GHR: variants seen among roughly 807,000 people sequenced by gnomAD.
GHR encodes growth hormone receptor.
Under a neutral mutation model 67.1 loss-of-function variants are expected in GHR, and 35 were observed. The observed-to-expected ratio is 0.52, with a 90% confidence interval of 0.40 to 0.69. The LOEUF (loss-of-function observed/expected upper bound fraction) is 0.69. Among genes scored for constraint, GHR ranks in the 30% least tolerant of loss-of-function variants. The probability of loss-of-function intolerance (pLI) is 0.00; values close to 1 mark genes in which losing one functional copy is unlikely to be tolerated. For missense variants in GHR, 792 were observed against 764.6 expected, an observed-to-expected ratio of 1.04 and a Z score of -0.42; for synonymous variants, 272 against 269.1, an observed-to-expected ratio of 1.01 and a Z score of -0.10.
chr5:42,431,878 A>C (rs1245733465), intron 1 of GHR, among the ~76,000 whole-genome samples: 1 of 152,188 alleles, frequency 6.6e-6, no homozygotes, highest in Non-Finnish European at 1.5e-5. Flanking sequence ...CAAATTGAAA[A>C]GGTACTTTTA....
chr5:42,695,449 C>A (rs1478506118), intron 5 of GHR, among the ~76,000 whole-genome samples: 1 of 152,140 alleles, frequency 6.6e-6, no homozygotes, highest in African/African-American at 2.4e-5. Flanking sequence ...TTGATAGGAT[C>A]CTTATATTCA....
chr5:42,517,125 A>G (rs1445352318), intron 1 of GHR, among the ~76,000 whole-genome samples: 1 of 152,194 alleles, frequency 6.6e-6, no homozygotes, highest in Non-Finnish European at 1.5e-5. Flanking sequence ...CCTCTTCTCA[A>G]AGCAAAAAAT....
At chr5:42,490,260 T>G (rs1728286653) in intron 1 of GHR, among the ~76,000 whole-genome samples, 1 of 152,234 alleles carries the variant, frequency 6.6e-6, no homozygotes. Context: ...TGACTCTTAG[T>G]AATGGGATCA....
At chr5:42,717,182 C>A (rs1031281460) in intron 8 of GHR, among the ~76,000 whole-genome samples, 2 of 152,106 alleles carry the variant, frequency 1.3e-5, no homozygotes, top group Non-Finnish European at 2.9e-5. Flanking sequence ...ACCCTGTAGT[C>A]CTAGCTACTT....
At position 42,560,046 on chromosome 5, in the gene GHR, A is replaced by G. The variant is rs561983018; in HGVS notation, c.-11-5818A>G. On this transcript the variant is annotated intron_variant, in intron 1 of 9. Transcript: ENST00000230882. ...TCTTCCCATATATTAATTTATTAACATCATGCTTCTAAGGATGCTTTAATC... is the reference window on the plus strand; with the variant it reads ...TCTTCCCATATATTAATTTATTAACGTCATGCTTCTAAGGATGCTTTAATC... 4.6e-5 allele frequency among the ~76,000 whole-genome samples: 7 copies of G among 152,324 alleles called. No individual in the cohort carries two copies. In the East Asian group the frequency reaches 1.3e-3, roughly 29 times the overall value.
intron 1 of GHR, among the ~76,000 whole-genome samples, chr5:42,553,024 A>C (rs1749118017): frequency 6.6e-6 from 1 of 152,220 alleles, no homozygotes; most frequent in Non-Finnish European, 1.5e-5. Flanking sequence ...CAATATTGAC[A>C]TGCTTCAGTG....
intron 1 of GHR, among the ~76,000 whole-genome samples, chr5:42,524,463 A>C (rs188568063): frequency 6.6e-6 from 1 of 152,238 alleles, no homozygotes; most frequent in Non-Finnish European, 1.5e-5. Flanking sequence ...CAAGAGGTGA[A>C]TGCTTGGGTG....
chr5:42,547,456 G>A (rs192396497), intron 1 of GHR, among the ~76,000 whole-genome samples: 125 of 152,110 alleles, frequency 8.2e-4, no homozygotes, highest in Middle Eastern at 3.4e-3. Context: ...TTATGGCAAA[G>A]CTCCAGAGCT....
chr5:42,480,750 A>C (rs778322558), intron 1 of GHR, among the ~76,000 whole-genome samples: 73 of 152,114 alleles, frequency 4.8e-4, no homozygotes, highest in Admixed American at 1.5e-3. Context: ...GTAGATCTTC[A>C]TGCGTCCCTT....
intron 2 of GHR, among the ~76,000 whole-genome samples, chr5:42,587,620 CT>C (rs1358650605): frequency 1.3e-5 from 2 of 152,014 alleles, no homozygotes; most frequent in African/African-American, 4.8e-5. Context: ...GTTTTGCTCC[CT>C]TCTCTTTCGT....
intron 3 of GHR, among the ~76,000 whole-genome samples, chr5:42,673,610 T>C (rs1217336013): frequency 1.3e-5 from 2 of 152,206 alleles, no homozygotes; most frequent in Non-Finnish European, 1.5e-5. Context: ...AATGAAATCA[T>C]GTCCTTTGCA....
intron 1 of GHR, among the ~76,000 whole-genome samples, chr5:42,493,576 A>G (rs1488263623): frequency 6.6e-6 from 1 of 152,198 alleles, no homozygotes; most frequent in East Asian, 1.9e-4. Flanking sequence ...TGCATTATCT[A>G]TACCTTGTTA....
rs1758978149 is a variant in GHR, at chr5:42,720,715, A to T, written c.*1291A>T. The stretch of plus-strand genomic sequence containing the variant: ...GTTTTCAGTCCCCACAGATAACTGA[A>T]AATTATTTAAACCGCTAAAAGAAAC... On this transcript the variant is annotated 3_prime_UTR_variant, in exon 10 of 10. Coordinates refer to ENST00000230882, the MANE Select transcript of GHR (RefSeq NM_000163.5). The T allele has an allele frequency of 6.6e-6, 1 of 152,218 alleles. No individual in the cohort carries two copies. The highest frequency in any genetic ancestry group is 2.4e-5 in the African/African-American group (1 of 41,462). 9.4% of individuals were successfully genotyped at this position (152,218 alleles called of 1,614,324 possible).
chr5:42,661,242 A>C (rs1050718538), intron 3 of GHR, among the ~76,000 whole-genome samples: 1 of 152,302 alleles, frequency 6.6e-6, no homozygotes, highest in Non-Finnish European at 1.5e-5. Flanking sequence ...CAGATTCAGG[A>C]AATACAAAGA....
chr5:42,533,689 T>C, intron 1 of GHR, among the ~76,000 whole-genome samples: 1 of 152,036 alleles, frequency 6.6e-6, no homozygotes, highest in East Asian at 1.9e-4. Flanking sequence ...TCTTATTCTA[T>C]TCTATTTTTA....
chr5:42,513,837 G>T (rs1276252793), intron 1 of GHR, among the ~76,000 whole-genome samples: 1 of 151,958 alleles, frequency 6.6e-6, no homozygotes, highest in Non-Finnish European at 1.5e-5. Flanking sequence ...GAGGTCTGAG[G>T]ATTATCTGTG....
intron 1 of GHR, among the ~76,000 whole-genome samples, chr5:42,491,510 T>C (rs1746110807): frequency 6.6e-6 from 1 of 152,196 alleles, no homozygotes; most frequent in Non-Finnish European, 1.5e-5. Context: ...AGTTTCCTTT[T>C]CTATGAAAGG....
chr5:42,457,030 C>G (rs567726725), intron 1 of GHR, among the ~76,000 whole-genome samples: 3 of 152,154 alleles, frequency 2.0e-5, no homozygotes, highest in African/African-American at 7.2e-5. Flanking sequence ...ATGTGACTGG[C>G]TTTCCCTGGG....
In GHR at chr5:42,496,180, A is replaced by G. The variant is rs146380245; in HGVS notation, c.-11-69684A>G. 1.6e-3 allele frequency among the ~76,000 whole-genome samples: 245 copies of G among 152,296 alleles called. 1 individual carries two copies. The highest frequency in any genetic ancestry group is 2.1e-3 in the Non-Finnish European group (143 of 68,016). On this transcript the variant is annotated intron_variant, in intron 1 of 9. Coordinates refer to ENST00000230882, the MANE Select transcript of GHR (RefSeq NM_000163.5). ...GAACCTCTCTAGTTTGTGAAGAGAC[A>G]CTTTATGTTGGAAGCAACAGCATAA...
Sources: allele counts gnomAD v4.1 joint callset (sites outside exome capture counted in the v4.1 genomes callset), GRCh38; gene constraint gnomAD v4.1.1; transcripts MANE v1.5; gene names NCBI Gene and HGNC (gene_info 2026-07-23, HGNC 2026-07-21).